PCDHGA7: variants seen among roughly 807,000 people sequenced by gnomAD.
The protein encoded by PCDHGA7 is protocadherin gamma subfamily A, 7.
PCDHGA7 carries 44 observed loss-of-function variants against 58.3 expected under a neutral mutation model. That is an observed-to-expected ratio of 0.75 (90% confidence interval 0.59 to 0.97). The LOEUF (loss-of-function observed/expected upper bound fraction) is 0.97, where lower values mean the gene tolerates loss of function less well. Among genes scored for constraint, PCDHGA7 ranks in the 50% least tolerant of loss-of-function variants. The pLI is 0.00. For synonymous variants in PCDHGA7, 516 were observed against 504.2 expected (o/e 1.02, Z -0.31); for missense variants, 1,266 against 1,188.7 (o/e 1.06, Z -0.96).
chr5:141,422,478 G>C, intron 1 of PCDHGA7: 1 of 1,613,914 alleles, frequency 6.2e-7, no homozygotes, highest in Non-Finnish European at 8.5e-7. Flanking sequence ...AGTTGGTCCA[G>C]AGCTACAATA....
intron 1 of PCDHGA7, chr5:141,433,338 T>G (rs2097583623): frequency 3.1e-6 from 2 of 651,932 alleles, no homozygotes; most frequent in South Asian, 4.0e-5. Context: ...GGACTACAGG[T>G]GCAAGCCACC....
chr5:141,429,234 T>C (rs2097199038), intron 1 of PCDHGA7: 1 of 152,114 alleles, frequency 6.6e-6, no homozygotes, highest in African/African-American at 2.4e-5. Context: ...ATGATACTGC[T>C]GTCATTGAGA....
intron 1 of PCDHGA7, chr5:141,395,341 G>T: frequency 7.1e-7 from 1 of 1,409,696 alleles, no homozygotes; most frequent in Non-Finnish European, 9.4e-7. Flanking sequence ...AATTTTTAAG[G>T]TGTATCACAG....
chr5:141,497,323 G>A lies in PCDHGA7; in HGVS notation c.2483+2458G>A, dbSNP rs373068300. Reference sequence around the variant, plus strand: ...CAGGCCATACACTGGCTTTGAAGCAGAATTCACCATTGAACCTGGAAGCCC... The same window carrying A: ...CAGGCCATACACTGGCTTTGAAGCAAAATTCACCATTGAACCTGGAAGCCC... On this transcript the variant is annotated intron_variant, in intron 2 of 3. Transcript: ENST00000518325. 1.2e-4 allele frequency among the ~76,000 whole-genome samples: 19 copies of A among 152,204 alleles called. No homozygotes were observed. In the East Asian group the frequency reaches 3.5e-3, roughly 28 times the overall value.
intron 1 of PCDHGA7, among the ~76,000 whole-genome samples, chr5:141,465,422 G>A (rs74711061): frequency 0.01 from 1,576 of 152,260 alleles, 21 homozygotes; most frequent in African/African-American, 0.037. Context: ...AGCACTGAAA[G>A]GTGGGCACTT....
intron 1 of PCDHGA7, chr5:141,419,181 A>T (rs769321564): frequency 1.9e-6 from 3 of 1,613,858 alleles, no homozygotes; most frequent in Admixed American, 3.3e-5. Flanking sequence ...ATAACCCTGC[A>T]CATTACTGAC....
chr5:141,451,860 C>T, intron 1 of PCDHGA7, among the ~76,000 whole-genome samples: 1 of 151,832 alleles, frequency 6.6e-6, no homozygotes, highest in Non-Finnish European at 1.5e-5. Flanking sequence ...CAGCCTAGGC[C>T]ACAGAATGAA....
rs752401867 is a variant in PCDHGA7, at chr5:141,511,224, G to A, written c.*51G>A. On this transcript the variant is annotated 3_prime_UTR_variant, in exon 4 of 4. Transcript: ENST00000518325. ...GGGCGGCCTCTCCCCAACCAGCCCA[G>A]CTTCTCCTTACCTGCACCCAGGCCT... 1.2e-6 allele frequency: 2 copies of A among 1,603,276 alleles called. No homozygotes were observed.
chr5:141,410,847 GTC>G (rs2095431261), intron 1 of PCDHGA7: 6 of 158,244 alleles, frequency 3.8e-5, no homozygotes, highest in Admixed American at 8.9e-5. Context: ...TTTTGTCTTT[GTC>G]TTTTTTTTTT....
chr5:141,397,268 T>A (rs532503951), intron 1 of PCDHGA7, among the ~76,000 whole-genome samples: 2 of 152,298 alleles, frequency 1.3e-5, no homozygotes, highest in South Asian at 4.1e-4. Context: ...CTTAGCTACA[T>A]CATATGGGCA....
At chr5:141,423,026 G>A in intron 1 of PCDHGA7, 2 of 1,614,210 alleles carry the variant, frequency 1.2e-6, no homozygotes, top group African/African-American at 1.3e-5. Flanking sequence ...AAAGATTCAG[G>A]CCAGAACGCC....
intron 1 of PCDHGA7, among the ~76,000 whole-genome samples, chr5:141,400,819 C>T (rs1316119038): frequency 6.6e-6 from 1 of 152,132 alleles, no homozygotes; most frequent in Non-Finnish European, 1.5e-5. Context: ...TTTACCTATT[C>T]GTTGTCTCAT....
At chr5:141,429,169 T>TACACACACACACACACACAAAC (rs2097191391) in intron 1 of PCDHGA7, 1 of 145,394 alleles carries the variant, frequency 6.9e-6, no homozygotes, top group East Asian at 2.0e-4. Flanking sequence ...ACATTGTTTA[T>TACACACACACACACACACAAAC]ACACACACAC....
chr5:141,418,430 T>G (rs1331082135), intron 1 of PCDHGA7: 1 of 1,613,908 alleles, frequency 6.2e-7, no homozygotes, highest in South Asian at 1.1e-5. Flanking sequence ...TGGTGGCAAA[T>G]ATCCAGAATT....
At chr5:141,390,533 A>G (rs1589127549) in intron 1 of PCDHGA7, 1 of 529,950 alleles carries the variant, frequency 1.9e-6, no homozygotes. Context: ...GTGTGGTTTT[A>G]ACCACAAAGT....
chr5:141,476,229 C>A lies in PCDHGA7; in HGVS notation c.2425-18578C>A, dbSNP rs761790915. The A allele has an allele frequency of 1.9e-6, 3 of 1,613,872 alleles. No homozygotes were observed. The South Asian group carries it at 3.3e-5, about 18-fold the overall frequency. ...TCCACGGTCATTCACTATGAGATCC[C>A]GGAGGAAAGAGAGAAGGGTTTCGCT... On this transcript the variant is annotated intron_variant, in intron 1 of 3. Transcript: ENST00000518325. This position sits in a 1 kb window ranked among gnomAD's most constrained non-coding sequence, Gnocchi z 7.6.
intron 1 of PCDHGA7, chr5:141,422,115 T>G: frequency 6.2e-7 from 1 of 1,605,004 alleles, no homozygotes; most frequent in Non-Finnish European, 8.5e-7. Context: ...TCCAATTGGA[T>G]TCACAAACTG....
chr5:141,498,042 A>G (rs1189035278), intron 2 of PCDHGA7, among the ~76,000 whole-genome samples: 2 of 152,238 alleles, frequency 1.3e-5, no homozygotes, highest in Non-Finnish European at 2.9e-5. Flanking sequence ...AATAATTACA[A>G]AAATAAATGT....
chr5:141,421,457 C>T (rs377073702), intron 1 of PCDHGA7: 9 of 1,614,014 alleles, frequency 5.6e-6, no homozygotes, highest in African/African-American at 2.7e-5. Flanking sequence ...CAGCTTTTCG[C>T]TGTGAATCCG....
Sources: gnomAD v4.1 joint callset for allele counts (sites outside exome capture counted in the v4.1 genomes callset) on GRCh38, gnomAD v4.1.1 for gene constraint, Gnocchi (gnomAD v3.1) non-coding constraint, MANE v1.5 for transcripts, NCBI Gene and HGNC (gene_info 2026-07-23, HGNC 2026-07-21) for gene names.